Variants in NRXN3 observed in about 807,000 individuals in gnomAD.
NRXN3 encodes neurexin III.
NRXN3 carries 32 observed loss-of-function variants against 137.6 expected under a neutral mutation model. That is an observed-to-expected ratio of 0.23 (90% CI 0.18 to 0.31). The LOEUF is 0.31. Ranked by LOEUF, NRXN3 falls within the 10% of genes least tolerant of loss-of-function variation. NRXN3 has a pLI of 1.00. For synonymous variants in NRXN3, 798 were observed against 784.5 expected (o/e 1.02, Z -0.29); for missense variants, 1,574 against 2,062.5 (o/e 0.76, Z 4.59).
intron 20 of NRXN3, among the ~76,000 whole-genome samples, chr14:79,806,182 G>A (rs1265127986): frequency 6.6e-6 from 1 of 151,986 alleles, no homozygotes. Context: ...GTTATTTTTT[G>A]CATTGCTTTC....
At chr14:79,000,284 TAA>T (rs1417914523) in intron 15 of NRXN3, among the ~76,000 whole-genome samples, 1 of 152,190 alleles carries the variant, frequency 6.6e-6, no homozygotes, top group Non-Finnish European at 1.5e-5. Context: ...TAAATAAATA[TAA>T]GTTTTCTTTA....
At chr14:79,335,420 A>T (rs946577522) in intron 15 of NRXN3, among the ~76,000 whole-genome samples, 1 of 152,064 alleles carries the variant, frequency 6.6e-6, no homozygotes, top group African/African-American at 2.4e-5. Context: ...TACAACAGAA[A>T]ATCCTGAATT....
chr14:79,018,260 CAAAAAAAAAAAAAAAAAA>C (rs1163466834), intron 15 of NRXN3, among the ~76,000 whole-genome samples: 5 of 23,152 alleles, frequency 2.2e-4, no homozygotes, highest in African/African-American at 8.1e-4. Context: ...AACTCTGTCT[CAAAAAAAAAAAAAAAAAA>C]AAAAAAAAAA....
chr14:79,384,954 G>A (rs1474116582), intron 15 of NRXN3, among the ~76,000 whole-genome samples: 1 of 152,106 alleles, frequency 6.6e-6, no homozygotes, highest in East Asian at 1.9e-4. Context: ...CTGTTAATTA[G>A]TTAGTGGTTC....
At chr14:78,290,154 G>A (rs1245120817) in intron 3 of NRXN3, among the ~76,000 whole-genome samples, 1 of 152,180 alleles carries the variant, frequency 6.6e-6, no homozygotes, top group East Asian at 1.9e-4. Flanking sequence ...ACAATGCTGA[G>A]AAAAGGTGAG....
At chr14:78,352,074 T>G (rs2083594392) in intron 4 of NRXN3, among the ~76,000 whole-genome samples, 2 of 114,554 alleles carry the variant, frequency 1.7e-5, no homozygotes, top group African/African-American at 6.9e-5. Flanking sequence ...GGCAACAGAG[T>G]CAGACTCTGT....
chr14:78,773,233 T>G (rs34347332), intron 8 of NRXN3, among the ~76,000 whole-genome samples: 1 of 152,162 alleles, frequency 6.6e-6, no homozygotes, highest in Non-Finnish European at 1.5e-5. Flanking sequence ...TCTATACCAA[T>G]GACAAAACCT....
At chr14:79,447,957 G>C (rs1489409746) in intron 15 of NRXN3, among the ~76,000 whole-genome samples, 1 of 152,176 alleles carries the variant, frequency 6.6e-6, no homozygotes, top group Non-Finnish European at 1.5e-5. Context: ...TTAATGTCCT[G>C]TTTAAAATGT....
chr14:78,880,802 A>G (rs535839913), intron 10 of NRXN3, among the ~76,000 whole-genome samples: 1 of 152,230 alleles, frequency 6.6e-6, no homozygotes, highest in Non-Finnish European at 1.5e-5. Flanking sequence ...GCAGAAAGCT[A>G]TTAATCCTTT....
At chr14:79,175,525 T>G (rs10150122) in intron 15 of NRXN3, among the ~76,000 whole-genome samples, 6,895 of 152,278 alleles carry the variant, frequency 0.045, 557 homozygotes, top group African/African-American at 0.16. Context: ...TTTATAGAGA[T>G]CTTTTTAATA....
At chr14:79,101,409 G>A (rs958938822) in intron 15 of NRXN3, among the ~76,000 whole-genome samples, 4 of 152,196 alleles carry the variant, frequency 2.6e-5, no homozygotes, top group Admixed American at 2.0e-4. Flanking sequence ...TCATAATGGA[G>A]CTATATATGG....
At chr14:78,719,671 G>A (rs1028430223) in intron 8 of NRXN3, among the ~76,000 whole-genome samples, 11 of 152,010 alleles carry the variant, frequency 7.2e-5, no homozygotes, top group East Asian at 3.9e-4. Context: ...GCAAAACCCC[G>A]TCTCTACTAA....
intron 4 of NRXN3, among the ~76,000 whole-genome samples, chr14:78,347,039 A>T (rs1180317904): frequency 1.3e-5 from 2 of 152,220 alleles, no homozygotes; most frequent in African/African-American, 2.4e-5. Flanking sequence ...TGAATAAGTT[A>T]TCAATGGAAA....
At chr14:79,296,208 C>T (rs2084079082) in intron 15 of NRXN3, among the ~76,000 whole-genome samples, 1 of 151,928 alleles carries the variant, frequency 6.6e-6, no homozygotes. Flanking sequence ...CTTAATGGCA[C>T]TCATTAATGA....
At chr14:79,330,682 A>G (rs1002532649) in intron 15 of NRXN3, among the ~76,000 whole-genome samples, 1 of 152,204 alleles carries the variant, frequency 6.6e-6, no homozygotes, top group Non-Finnish European at 1.5e-5. Flanking sequence ...AGCAGATACC[A>G]TCTCCCAATG....
At chr14:79,269,943 A>G (rs541664332) in intron 15 of NRXN3, among the ~76,000 whole-genome samples, 1 of 152,352 alleles carries the variant, frequency 6.6e-6, no homozygotes, top group East Asian at 1.9e-4. Context: ...GAAGTTTAAG[A>G]TTCCTCACCT....
At chr14:78,930,032 T>C (rs1397898799) in intron 10 of NRXN3, among the ~76,000 whole-genome samples, 1 of 152,200 alleles carries the variant, frequency 6.6e-6, no homozygotes, top group African/African-American at 2.4e-5. Context: ...ACCTTAAAAC[T>C]TCTTTAAATA....
At chr14:78,820,006 A>G (rs1012542224) in intron 10 of NRXN3, among the ~76,000 whole-genome samples, 10 of 152,122 alleles carry the variant, frequency 6.6e-5, no homozygotes, top group African/African-American at 2.4e-4. Flanking sequence ...TTCCCTGTCC[A>G]ATTCATGAAT....
chr14:79,805,278 A>G (rs2099199770), intron 20 of NRXN3, 88 bp downstream of exon 20: 7 of 882,256 alleles, frequency 7.9e-6, no homozygotes, highest in African/African-American at 1.7e-5. Context: ...CATGTGTTTT[A>G]TATATAGATT....
Sources: allele counts gnomAD v4.1 joint callset (sites outside exome capture counted in the v4.1 genomes callset), GRCh38; gene constraint gnomAD v4.1.1; transcripts MANE v1.5; gene names NCBI Gene and HGNC (gene_info 2026-07-23, HGNC 2026-07-21).